Variants in MME observed in about 807,000 individuals in gnomAD.
MME encodes membrane metalloendopeptidase.
In MME, 98 loss-of-function variants were observed where a neutral mutation model predicts 113.2. The observed-to-expected ratio is 0.87, with a 90% CI of 0.74 to 1.02. The LOEUF is 1.02. MME is among the 50% of genes least tolerant of loss of function. The pLI is 0.00. For synonymous variants in MME, 292 were observed against 300.6 expected, an observed-to-expected ratio of 0.97 and a Z score of 0.30; for missense variants, 836 against 896.0, an observed-to-expected ratio of 0.93 and a Z score of 0.86.
chr3:155,128,341 C>G (rs1421024923), intron 8 of MME, among the ~76,000 whole-genome samples: 1 of 152,166 alleles, frequency 6.6e-6, no homozygotes, highest in Non-Finnish European at 1.5e-5. Flanking sequence ...TCAGTTTCCC[C>G]TGCATTTCTG....
At chr3:155,133,058 AAAAAATAT>A (rs1720280404) in intron 8 of MME, among the ~76,000 whole-genome samples, 1 of 84,242 alleles carries the variant, frequency 1.2e-5, no homozygotes. Flanking sequence ...AAAAAAAAAA[AAAAAATAT>A]ATATATATAT....
chr3:155,082,785 G>T (rs1252728379), intron 1 of MME, among the ~76,000 whole-genome samples: 6 of 152,246 alleles, frequency 3.9e-5, no homozygotes, highest in East Asian at 3.9e-4. Flanking sequence ...CACTGGGAAG[G>T]TTAATTTCTA....
chr3:155,064,028 T>G (rs145303720), intron 1 of MME, among the ~76,000 whole-genome samples: 3 of 152,012 alleles, frequency 2.0e-5, no homozygotes, highest in Non-Finnish European at 4.4e-5. Context: ...TGGTGGCTCA[T>G]GCCTGTAATC....
At chr3:155,059,515 C>G (rs967509398) in intron 1 of MME, among the ~76,000 whole-genome samples, 10 of 152,168 alleles carry the variant, frequency 6.6e-5, no homozygotes, top group African/African-American at 2.4e-4. Flanking sequence ...CAGGATTCCA[C>G]AATTAGTAAA....
chr3:155,133,688 AC>A (rs2108295144), intron 8 of MME, among the ~76,000 whole-genome samples: 1 of 101,144 alleles, frequency 9.9e-6, no homozygotes, highest in South Asian at 3.5e-4. Flanking sequence ...ATATATATAT[AC>A]CATACATATA....
chr3:155,143,618 A>G, intron 13 of MME, 47 bp downstream of exon 13: 1 of 1,600,952 alleles, frequency 6.2e-7, no homozygotes, highest in Non-Finnish European at 8.5e-7. Flanking sequence ...GGACACTATC[A>G]GTTTGTTCAC....
chr3:155,118,335 G>C (rs2108260418), intron 7 of MME, among the ~76,000 whole-genome samples: 1 of 152,340 alleles, frequency 6.6e-6, no homozygotes, highest in African/African-American at 2.4e-5. Context: ...AACTAAGGGT[G>C]GAAGCAGATG....
intron 3 of MME, among the ~76,000 whole-genome samples, chr3:155,091,874 GA>G (rs918690303): frequency 5.9e-5 from 9 of 152,270 alleles, no homozygotes; most frequent in African/African-American, 1.9e-4. Context: ...TCCTATTTCT[GA>G]ACCAGCTGAA....
At position 155,138,239 on chromosome 3, in the gene MME, A is replaced by G. The variant is rs747670787; in HGVS notation, c.855+3A>G. 4 of 1,613,388 alleles carry G rather than the reference A, an allele frequency of 2.5e-6. No individual in the cohort carries two copies. In the Admixed American group the frequency reaches 6.7e-5, roughly 27 times the overall value. On this transcript the variant is annotated splice_donor_region_variant and intron_variant, in intron 9 of 22. Coordinates refer to ENST00000360490, the MANE Select transcript of MME (RefSeq NM_007289.4). Reference sequence around the variant, plus strand: ...AATTGGAAAAAGAAATTGCCAATGTAAAACACATTTTTTTTTCTGATACAC... The same window carrying G: ...AATTGGAAAAAGAAATTGCCAATGTGAAACACATTTTTTTTTCTGATACAC...
chr3:155,152,859 G>T (rs1249469208), intron 16 of MME, among the ~76,000 whole-genome samples: 1 of 151,686 alleles, frequency 6.6e-6, no homozygotes, highest in Non-Finnish European at 1.5e-5. Context: ...AAAAAAAATG[G>T]TCACATCCAA....
chr3:155,026,080 C>A (rs1712774961), intron 1 of MME, among the ~76,000 whole-genome samples: 1 of 151,808 alleles, frequency 6.6e-6, no homozygotes, highest in African/African-American at 2.4e-5. Flanking sequence ...TAGCCATGGA[C>A]ATTCTAACAG....
intron 22 of MME, among the ~76,000 whole-genome samples, chr3:155,174,183 A>G (rs1489681078): frequency 2.0e-5 from 3 of 152,166 alleles, no homozygotes; most frequent in Non-Finnish European, 4.4e-5. Flanking sequence ...ACATAAGTAT[A>G]TAACTGTTTT....
chr3:155,033,892 C>T (rs1376683234), intron 1 of MME, among the ~76,000 whole-genome samples: 1 of 152,128 alleles, frequency 6.6e-6, no homozygotes, highest in Non-Finnish European at 1.5e-5. Flanking sequence ...TTCCCTTGGA[C>T]CAGAATAAAC....
intron 8 of MME, among the ~76,000 whole-genome samples, chr3:155,133,662 C>CTATATATGTATGGTATA (rs1266037292): frequency 2.3e-4 from 6 of 25,696 alleles, no homozygotes; most frequent in Non-Finnish European, 4.5e-4. Context: ...TATACACACA[C>CTATATATGTATGGTATA]CATATATATA....
At chr3:155,179,158 T>C (rs1474358796) in intron 22 of MME, among the ~76,000 whole-genome samples, 1 of 151,502 alleles carries the variant, frequency 6.6e-6, no homozygotes, top group African/African-American at 2.4e-5. Flanking sequence ...TTCCAGGGAG[T>C]AGGGTCTGCA....
chr3:155,108,411 C>T (rs1184425747), intron 3 of MME, among the ~76,000 whole-genome samples: 7 of 152,034 alleles, frequency 4.6e-5, no homozygotes, highest in Non-Finnish European at 1.0e-4. Context: ...GCCTGGCCAA[C>T]ATGGGGAAAC....
In MME at chr3:155,116,934, T is replaced by C. The variant is rs374541166; in HGVS notation, c.602T>C (p.Ile201Thr). ...LNSKYGKKVL[I>T]NLFVGTDDKN... ...TCTAAATATGGGAAAAAAGTCCTTA[T>C]TAATTTGTTTGTTGGCACTGATGAT... Residue 201 changes from isoleucine to threonine, a missense_variant, in exon 7 of 23, where the codon ATT becomes ACT. Ile to Thr is a moderately conservative substitution (Grantham distance 89, BLOSUM62 -1). Coordinates refer to ENST00000360490, the MANE Select transcript of MME (RefSeq NM_007289.4). 3.6e-5 allele frequency: 58 copies of C among 1,612,022 alleles called. No homozygotes were observed. The highest frequency in any genetic ancestry group is 4.8e-5 in the Non-Finnish European group (57 of 1,178,534).
intron 1 of MME, among the ~76,000 whole-genome samples, chr3:155,073,584 G>GA (rs1218290268): frequency 2.0e-5 from 3 of 151,586 alleles, no homozygotes; most frequent in South Asian, 2.1e-4. Context: ...GCCAGAAGAG[G>GA]AAAAAAAAGT....
chr3:155,062,110 A>C (rs1361912093), intron 1 of MME, among the ~76,000 whole-genome samples: 8 of 152,148 alleles, frequency 5.3e-5, no homozygotes, highest in Non-Finnish European at 1.2e-4. Flanking sequence ...TTTCTTATTC[A>C]AAGTTGAATA....
Sources: allele counts gnomAD v4.1 joint callset (sites outside exome capture counted in the v4.1 genomes callset), GRCh38; gene constraint gnomAD v4.1.1; transcripts MANE v1.5; gene names NCBI Gene and HGNC (gene_info 2026-07-23, HGNC 2026-07-21).